KCNQ1: variants seen among roughly 807,000 people sequenced by gnomAD.
KCNQ1 encodes the protein potassium voltage-gated channel subfamily Q member 1, also known as potassium voltage-gated channel subfamily KQT member 1.
A neutral mutation model predicts 72.4 loss-of-function variants in KCNQ1; 49 were observed. That is an observed-to-expected ratio of 0.68 (90% CI 0.54 to 0.86). The LOEUF (loss-of-function observed/expected upper bound fraction) is 0.86. Among genes scored for constraint, KCNQ1 ranks in the 40% least tolerant of loss-of-function variants. KCNQ1 has a pLI of 0.00. For synonymous variants in KCNQ1, 450 were observed against 412.6 expected, an observed-to-expected ratio of 1.09 and a Z score of -1.10; for missense variants, 790 against 945.1, an observed-to-expected ratio of 0.84 and a Z score of 2.15.
rs541975737 is a variant in KCNQ1, at chr11:2,519,985, G to A, written c.387-7943G>A. ...TGCTGCACAGCACGGGAGTGATGCCGCCACCCACCCAGGACGCGGGAGCCC... is the reference window on the plus strand; with the variant it reads ...TGCTGCACAGCACGGGAGTGATGCCACCACCCACCCAGGACGCGGGAGCCC... On this transcript the variant is annotated intron_variant, in intron 1 of 15. Transcript: ENST00000155840. Among the ~76,000 whole-genome samples, 10 of 152,362 alleles carry A rather than the reference G, an allele frequency of 6.6e-5. No homozygotes were observed. The East Asian group carries it at 1.5e-3, about 24-fold the overall frequency.
chr11:2,650,180 T>C (rs1412648911), intron 10 of KCNQ1: 5 of 398,480 alleles, frequency 1.3e-5, no homozygotes, highest in Middle Eastern at 1.2e-3. Flanking sequence ...CCCATTTAGA[T>C]AATGAATTGT....
rs1846047104 is a variant in KCNQ1 at position 2,446,868 on chromosome 11, T to C, written c.386+1384T>C. ...CAACAGCGGGGGCTCGGCTTGGGGT[T>C]TGGGAGATATTTGTGTGCAGTGACC... is the stretch of plus-strand genomic sequence containing the variant. On this transcript the variant is annotated intron_variant, in intron 1 of 15. Coordinates refer to ENST00000155840, the MANE Select transcript of KCNQ1 (RefSeq NM_000218.3). This position sits in a 1 kb window ranked among gnomAD's most constrained non-coding sequence, Gnocchi z 8.8. Among the ~76,000 whole-genome samples, 1 of 152,122 alleles carries C rather than the reference T, an allele frequency of 6.6e-6. No individual in the cohort carries two copies. The highest frequency in any genetic ancestry group is 1.5e-5 in the Non-Finnish European group (1 of 68,004).
chr11:2,569,511 A>G (rs1169408756), intron 2 of KCNQ1, among the ~76,000 whole-genome samples: 1 of 152,210 alleles, frequency 6.6e-6, no homozygotes, highest in Non-Finnish European at 1.5e-5. Flanking sequence ...AGTCCCCTCC[A>G]GGGCCCGGCT....
Position 2,803,637 on chromosome 11 carries a change from C to G in KCNQ1, c.1794+25600C>G, listed in dbSNP as rs1005272233. ...CGTCTGCAGCCCCATCTCCAGGTCCCGGCCTGCCCCAGCCTGCCCACCCCC... is the reference window on the plus strand; with the variant it reads ...CGTCTGCAGCCCCATCTCCAGGTCCGGGCCTGCCCCAGCCTGCCCACCCCC... On this transcript the variant is annotated intron_variant, in intron 15 of 15. Transcript: ENST00000155840. The surrounding 1 kb of genome is among the most constrained non-coding windows in gnomAD (Gnocchi z 6.4). 2.6e-5 allele frequency among the ~76,000 whole-genome samples: 4 copies of G among 152,108 alleles called. No individual in the cohort carries two copies. The highest frequency in any genetic ancestry group is 4.4e-5 in the Non-Finnish European group (3 of 67,996).
At chr11:2,453,297 C>A (rs925081251) in intron 1 of KCNQ1, among the ~76,000 whole-genome samples, 1 of 152,026 alleles carries the variant, frequency 6.6e-6, no homozygotes, top group African/African-American at 2.4e-5. Flanking sequence ...CACTTGAACC[C>A]GGGAGGTGGA....
In KCNQ1 at chr11:2,827,826, T is replaced by C. The variant is rs2134064164; in HGVS notation, c.1795-19941T>C. 6.6e-6 allele frequency among the ~76,000 whole-genome samples: 1 copy of C among 152,224 alleles called. No individual in the cohort carries two copies. The highest frequency in any genetic ancestry group is 1.9e-4 in the East Asian group (1 of 5,172). ...GTAGCAGGTATGTGGTGGTACTGTT[T>C]TCCGGAATGAAGAGGAAGGGGCGGG... On this transcript the variant is annotated intron_variant, in intron 15 of 15. Transcript: ENST00000155840. The surrounding 1 kb of genome is among the most constrained non-coding windows in gnomAD (Gnocchi z 6.7).
chr11:2,561,346 G>A (rs1356133988), intron 2 of KCNQ1, among the ~76,000 whole-genome samples: 16 of 152,192 alleles, frequency 1.1e-4, no homozygotes, highest in East Asian at 9.6e-4. Flanking sequence ...TCAGGTCAGC[G>A]GGGCTCTTCT....
chr11:2,835,219 G>A (rs366395), intron 15 of KCNQ1, among the ~76,000 whole-genome samples: 2 of 152,168 alleles, frequency 1.3e-5, no homozygotes, highest in African/African-American at 2.4e-5. Flanking sequence ...GGCACCTGGA[G>A]GGTGGGCAGG....
Position 2,769,001 on chromosome 11 carries a change from T to A in KCNQ1, c.1590+82T>A. ...CTGCCCACACCTCTCCTGGGTTCTC[T>A]CCTGCCCATAGTGGAGGGTGTCAAG... On this transcript the variant is annotated intron_variant, in intron 12 of 15. Coordinates refer to ENST00000155840, the MANE Select transcript of KCNQ1 (RefSeq NM_000218.3). The surrounding 1 kb of genome is among the most constrained non-coding windows in gnomAD (Gnocchi z 4.6). 8.4e-7 allele frequency: 1 copy of A among 1,195,310 alleles called. No individual in the cohort carries two copies. Among genetic ancestry groups the A allele is most frequent in the Admixed American group, 1.8e-5 (1 of 57,124 alleles). 74.0% of individuals were successfully genotyped at this position (1,195,310 alleles called of 1,614,324 possible). A position where few individuals can be genotyped will look rare whatever the true frequency, so the allele number is the denominator to read the frequency against.
chr11:2,802,465 T>C (rs1404131581), intron 15 of KCNQ1, among the ~76,000 whole-genome samples: 1 of 152,168 alleles, frequency 6.6e-6, no homozygotes, highest in Non-Finnish European at 1.5e-5. Flanking sequence ...GCCCAATGTC[T>C]ATTAATTAAG....
Position 2,808,841 on chromosome 11 carries a change from G to A in KCNQ1, c.1794+30804G>A, listed in dbSNP as rs957356958. 6.6e-6 allele frequency among the ~76,000 whole-genome samples: 1 copy of A among 152,160 alleles called. No individual in the cohort carries two copies. Among genetic ancestry groups the A allele is most frequent in the Non-Finnish European group, 1.5e-5 (1 of 68,048 alleles). On this transcript the variant is annotated intron_variant, in intron 15 of 15. Coordinates refer to ENST00000155840, the MANE Select transcript of KCNQ1 (RefSeq NM_000218.3). This position sits in a 1 kb window ranked among gnomAD's most constrained non-coding sequence, Gnocchi z 6.0. ...CAGATTAATGGATGGACAGATTGTT[G>A]TATGGAGGATTAGGGGAGGGATAAA... is the stretch of plus-strand genomic sequence containing the variant.
At chr11:2,717,894 C>A (rs772035714) in intron 11 of KCNQ1, among the ~76,000 whole-genome samples, 3 of 152,178 alleles carry the variant, frequency 2.0e-5, no homozygotes, top group Admixed American at 6.5e-5. Flanking sequence ...CAGGTTTGAG[C>A]CCCCCGGGGT....
chr11:2,655,260 T>G (rs913703905), intron 10 of KCNQ1: 7 of 398,428 alleles, frequency 1.8e-5, no homozygotes, highest in Non-Finnish European at 3.1e-5. Context: ...CCTCCCACTT[T>G]CCTAGAAAAC....
chr11:2,482,962 C>T lies in KCNQ1; in HGVS notation c.386+37478C>T, dbSNP rs1159984054. 6.6e-6 allele frequency among the ~76,000 whole-genome samples: 1 copy of T among 152,142 alleles called. No homozygotes were observed. Among genetic ancestry groups the T allele is most frequent in the South Asian group, 2.1e-4 (1 of 4,830 alleles). ...GCGTGGTAATGCATGGTGCGTGTCT[C>T]TTAGCAGTAAGACCTTGAGAAGGAG... On this transcript the variant is annotated intron_variant, in intron 1 of 15. Transcript: ENST00000155840. This position sits in a 1 kb window ranked among gnomAD's most constrained non-coding sequence, Gnocchi z 5.7.
At chr11:2,553,999 G>A (rs935654453) in intron 2 of KCNQ1, among the ~76,000 whole-genome samples, 1 of 152,224 alleles carries the variant, frequency 6.6e-6, no homozygotes, top group Non-Finnish European at 1.5e-5. Context: ...TTACAAGCGT[G>A]AGCCACCATG....
intron 2 of KCNQ1, among the ~76,000 whole-genome samples, chr11:2,533,033 C>A (rs1170102784): frequency 6.6e-6 from 1 of 152,210 alleles, no homozygotes; most frequent in Non-Finnish European, 1.5e-5. Context: ...GGAGCCCAAA[C>A]CACAGCCTTG....
At chr11:2,693,603 T>C (rs1850624782) in intron 11 of KCNQ1, 1 of 398,528 alleles carries the variant, frequency 2.5e-6, no homozygotes, top group Admixed American at 4.4e-5. Flanking sequence ...CACATTTAAA[T>C]TGCAAACAAG....
At chr11:2,530,914 T>C (rs1053881700) in intron 2 of KCNQ1, among the ~76,000 whole-genome samples, 10 of 152,162 alleles carry the variant, frequency 6.6e-5, no homozygotes, top group African/African-American at 2.4e-4. Flanking sequence ...ATCCTGCCTG[T>C]CCCATCCCTC....
intron 10 of KCNQ1, chr11:2,614,114 C>A: frequency 2.5e-6 from 1 of 398,488 alleles, no homozygotes; most frequent in Non-Finnish European, 4.4e-6. Flanking sequence ...GCTCACCATT[C>A]TTTGGCTTTC....
Sources: allele counts gnomAD v4.1 joint callset (sites outside exome capture counted in the v4.1 genomes callset), GRCh38; gene constraint gnomAD v4.1.1; non-coding constraint Gnocchi (gnomAD v3.1); transcripts MANE v1.5; gene names NCBI Gene and HGNC (gene_info 2026-07-23, HGNC 2026-07-21).